The following NAALADL2 variants were observed in gnomAD, a reference collection of about 807,000 sequenced individuals.
The protein encoded by NAALADL2 is inactive N-acetylated-alpha-linked acidic dipeptidase-like protein 2.
Under a neutral mutation model 87.2 loss-of-function variants are expected in NAALADL2, and 76 were observed. The observed-to-expected ratio is 0.87, with a 90% CI of 0.72 to 1.05. NAALADL2 has a LOEUF of 1.05. NAALADL2 is among the 50% of genes least tolerant of loss of function. The pLI is 0.00. For synonymous variants in NAALADL2, 354 were observed against 331.0 expected (o/e 1.07, Z -0.75); for missense variants, 1,089 against 945.8 (o/e 1.15, Z -1.99).
chr3:175,074,553 T>G (rs1716243071), intron 1 of NAALADL2, among the ~76,000 whole-genome samples: 1 of 152,096 alleles, frequency 6.6e-6, no homozygotes, highest in African/African-American at 2.4e-5. Context: ...TCGAGTATTA[T>G]TTATTCAAAA....
Position 175,463,491 on chromosome 3 carries a change from C to T in NAALADL2, c.1325C>T (p.Pro442Leu). Residue 442 changes from proline to leucine, a missense_variant and splice_region_variant, in exon 7 of 14, where the codon CCA (proline) becomes CTA (leucine). Coordinates refer to ENST00000454872, the MANE Select transcript of NAALADL2 (RefSeq NM_207015.3). ...VVGFVMGLTSPDRYIIVGSHH... is the reference protein window; with the variant it reads ...VVGFVMGLTSLDRYIIVGSHH... ...GGATTTGTAATGGGCTTGACATCTC[C>T]AGGTAAGTAGGGTTGAAAATTTATA... is the stretch of plus-strand genomic sequence containing the variant. The T allele has an allele frequency of 6.4e-7, 1 of 1,562,852 alleles. No individual in the cohort carries two copies. Among genetic ancestry groups the T allele is most frequent in the Non-Finnish European group, 8.7e-7 (1 of 1,144,668 alleles).
intron 9 of NAALADL2, among the ~76,000 whole-genome samples, chr3:175,491,591 T>A (rs760665798): frequency 2.0e-5 from 3 of 152,222 alleles, no homozygotes; most frequent in Non-Finnish European, 4.4e-5. Flanking sequence ...TGAAATTTGA[T>A]TTTTGAAGAA....
At chr3:175,207,436 T>C (rs963749359) in intron 2 of NAALADL2, among the ~76,000 whole-genome samples, 1 of 151,840 alleles carries the variant, frequency 6.6e-6, no homozygotes, top group Non-Finnish European at 1.5e-5. Flanking sequence ...AATGCTGGAT[T>C]TTTGGAGTGA....
At chr3:175,059,600 T>A (rs1332197587) in intron 1 of NAALADL2, 2 of 345,330 alleles carry the variant, frequency 5.8e-6, no homozygotes, top group African/African-American at 4.4e-5. Flanking sequence ...CGGTTTCACA[T>A]CAGTATGATG....
intron 1 of NAALADL2, among the ~76,000 whole-genome samples, chr3:174,485,866 G>C (rs4894471): frequency 6.6e-6 from 1 of 151,688 alleles, no homozygotes; most frequent in Non-Finnish European, 1.5e-5. Context: ...TATAGTTTTG[G>C]GTTTTATATT....
At chr3:175,261,127 TA>T (rs535965952) in intron 4 of NAALADL2, among the ~76,000 whole-genome samples, 30 of 152,318 alleles carry the variant, frequency 2.0e-4, no homozygotes, top group African/African-American at 5.1e-4. Flanking sequence ...TATAACAGTT[TA>T]TTTTTTGGGA....
chr3:175,463,083 C>T (rs1217285917), intron 6 of NAALADL2, among the ~76,000 whole-genome samples: 1 of 152,094 alleles, frequency 6.6e-6, no homozygotes, highest in African/African-American at 2.4e-5. Flanking sequence ...CCCACATCTC[C>T]TGAAGGTCTT....
At chr3:175,293,616 A>G (rs916846493) in intron 4 of NAALADL2, among the ~76,000 whole-genome samples, 3 of 152,106 alleles carry the variant, frequency 2.0e-5, no homozygotes, top group African/African-American at 7.2e-5. Context: ...AGTCAGTTAG[A>G]GGGTTAAGTC....
chr3:174,655,974 G>A (rs1176023045), intron 2 of NAALADL2, among the ~76,000 whole-genome samples: 1 of 152,160 alleles, frequency 6.6e-6, no homozygotes, highest in Non-Finnish European at 1.5e-5. Context: ...AGCTATTTAT[G>A]TATCACTTCA....
intron 2 of NAALADL2, among the ~76,000 whole-genome samples, chr3:174,676,245 T>G (rs1445357770): frequency 6.6e-6 from 1 of 152,074 alleles, no homozygotes; most frequent in Non-Finnish European, 1.5e-5. Context: ...TTAAAAATAT[T>G]TAAAACAGGA....
chr3:175,041,137 T>G (rs1754029423), intron 1 of NAALADL2, among the ~76,000 whole-genome samples: 1 of 152,192 alleles, frequency 6.6e-6, no homozygotes, highest in South Asian at 2.1e-4. Context: ...TCACTTTTCA[T>G]GCTGATGCTA....
intron 1 of NAALADL2, among the ~76,000 whole-genome samples, chr3:174,940,008 G>T (rs879942736): frequency 2.6e-5 from 4 of 152,002 alleles, no homozygotes; most frequent in Non-Finnish European, 4.4e-5. Flanking sequence ...TTTTACTCTT[G>T]CCTGATTGCT....
At chr3:174,911,878 T>C (rs1421103643) in intron 1 of NAALADL2, among the ~76,000 whole-genome samples, 1 of 152,090 alleles carries the variant, frequency 6.6e-6, no homozygotes, top group Non-Finnish European at 1.5e-5. Flanking sequence ...TGGAATTAAG[T>C]TGTTAAAATG....
intron 2 of NAALADL2, among the ~76,000 whole-genome samples, chr3:174,672,759 C>G (rs549142): frequency 6.6e-6 from 1 of 151,118 alleles, no homozygotes; most frequent in African/African-American, 2.4e-5. Flanking sequence ...TTGAGGACAG[C>G]AAATGCAAGA....
intron 13 of NAALADL2, 71 bp downstream of exon 13, chr3:175,755,489 A>C (rs1025122052): frequency 1.8e-6 from 2 of 1,139,560 alleles, no homozygotes; most frequent in Non-Finnish European, 2.4e-6. Context: ...TTCAGAATAC[A>C]TACCTTCTAT....
intron 1 of NAALADL2, among the ~76,000 whole-genome samples, chr3:174,892,462 CAAAA>C (rs531987532): frequency 4.0e-5 from 6 of 150,596 alleles, no homozygotes; most frequent in Non-Finnish European, 8.9e-5. Context: ...ACAAAAAAGA[CAAAA>C]AAAAGTACAT....
chr3:175,004,921 A>G (rs9877220), intron 1 of NAALADL2, among the ~76,000 whole-genome samples: 2,873 of 152,196 alleles, frequency 0.019, 55 homozygotes, highest in African/African-American at 0.051. Context: ...AGCACTTCAG[A>G]TAAGAGATAC....
chr3:175,379,193 T>C lies in NAALADL2; in HGVS notation c.1090+54868T>C, dbSNP rs574251211. ...ACTTAACCTGTTTCTTCCTCTCTCT[T>C]TTTTTTTTTTTTTCCTGTAGAATAG... On this transcript the variant is annotated intron_variant, in intron 5 of 13. Coordinates refer to ENST00000454872, the MANE Select transcript of NAALADL2 (RefSeq NM_207015.3). Among the ~76,000 whole-genome samples the C allele has an allele frequency of 1.6e-3, 64 of 39,262 alleles. 1 individual carries two copies. Among genetic ancestry groups the C allele is most frequent in the East Asian group, 8.2e-3 (7 of 854 alleles). 25.8% of individuals were successfully genotyped at this position (39,262 alleles called of 152,430 possible).
chr3:175,556,264 A>AG (rs986177585), intron 9 of NAALADL2, among the ~76,000 whole-genome samples: 1 of 152,184 alleles, frequency 6.6e-6, no homozygotes. Flanking sequence ...ATTTAAAAAA[A>AG]AAACTGAAGT....
Sources: gnomAD v4.1 joint callset for allele counts (sites outside exome capture counted in the v4.1 genomes callset) on GRCh38, gnomAD v4.1.1 for gene constraint, MANE v1.5 for transcripts, NCBI Gene and HGNC (gene_info 2026-07-23, HGNC 2026-07-21) for gene names.